ZFHX3: variants seen among roughly 807,000 people sequenced by gnomAD.
ZFHX3 encodes zinc finger homeobox 3.
ZFHX3 carries 42 observed loss-of-function variants against 279.1 expected under a neutral mutation model. The ratio of observed to expected loss-of-function variants is 0.15; its 90% confidence interval spans 0.12 to 0.19. ZFHX3 has a LOEUF of 0.19. ZFHX3 is among the 10% of genes least tolerant of loss of function. ZFHX3 has a pLI of 1.00. For missense variants in ZFHX3, 4,981 were observed against 4,754.0 expected (o/e 1.05, Z -1.40); for synonymous variants, 2,293 against 1,957.8 (o/e 1.17, Z -4.52).
chr16:73,152,592 A>AAACAGGC (rs1331429383), intron 5 of ZFHX3, among the ~76,000 whole-genome samples: 1 of 149,048 alleles, frequency 6.7e-6, no homozygotes, highest in Admixed American at 6.8e-5. Flanking sequence ...AACTTTGTAT[A>AAACAGGC]CAAACTAGGG....
At chr16:73,028,134 T>A (rs917836605) in intron 1 of ZFHX3, among the ~76,000 whole-genome samples, 5 of 152,132 alleles carry the variant, frequency 3.3e-5, no homozygotes, top group African/African-American at 1.2e-4. Flanking sequence ...CTCCTTTTTT[T>A]GGGGGAGTGT....
chr16:73,349,759 C>T (rs1223883992), intron 3 of ZFHX3, among the ~76,000 whole-genome samples: 8 of 90,002 alleles, frequency 8.9e-5, no homozygotes, highest in Admixed American at 6.2e-4. Context: ...TCCCTCCCTC[C>T]TTCCTCCCTC....
chr16:73,272,686 A>G (rs780182635), intron 4 of ZFHX3, among the ~76,000 whole-genome samples: 1 of 152,212 alleles, frequency 6.6e-6, no homozygotes, highest in Non-Finnish European at 1.5e-5. Flanking sequence ...CAATATTTCA[A>G]CAGAAATATC....
chr16:73,801,325 G>T (rs1960139874), intron 1 of ZFHX3, among the ~76,000 whole-genome samples: 1 of 152,136 alleles, frequency 6.6e-6, no homozygotes, highest in Admixed American at 6.6e-5. Context: ...CACAGGGAAT[G>T]ACCAATACAT....
At chr16:73,700,530 T>A (rs1278486702) in intron 1 of ZFHX3, among the ~76,000 whole-genome samples, 2 of 152,250 alleles carry the variant, frequency 1.3e-5, no homozygotes, top group Non-Finnish European at 2.9e-5. Context: ...TTAATACACC[T>A]AAAGTCTATT....
chr16:72,923,485 A>G (rs1191531003), intron 3 of ZFHX3, among the ~76,000 whole-genome samples: 1 of 151,754 alleles, frequency 6.6e-6, no homozygotes, highest in Non-Finnish European at 1.5e-5. Context: ...ATGAATATAT[A>G]TGCCTTGTAT....
intron 1 of ZFHX3, among the ~76,000 whole-genome samples, chr16:73,741,357 C>G (rs1389816891): frequency 6.6e-6 from 1 of 152,170 alleles, no homozygotes; most frequent in Non-Finnish European, 1.5e-5. Flanking sequence ...GACGTGAAGT[C>G]TCTTGAGTCT....
chr16:73,173,916 G>A (rs549645808), intron 5 of ZFHX3, among the ~76,000 whole-genome samples: 1 of 152,298 alleles, frequency 6.6e-6, no homozygotes, highest in South Asian at 2.1e-4. Flanking sequence ...TTAGGGAATG[G>A]TGTTGGGGTG....
At chr16:73,725,827 C>A (rs1403888892) in intron 1 of ZFHX3, among the ~76,000 whole-genome samples, 6 of 152,138 alleles carry the variant, frequency 3.9e-5, no homozygotes, top group Non-Finnish European at 1.5e-5. Context: ...GGCACCATAC[C>A]TTTATGCCAG....
At chr16:73,002,230 A>T (rs956031116) in intron 1 of ZFHX3, among the ~76,000 whole-genome samples, 3 of 152,166 alleles carry the variant, frequency 2.0e-5, no homozygotes, top group African/African-American at 7.2e-5. Flanking sequence ...CTACTCAAAC[A>T]TGCTGAACAA....
rs139098793 is a variant in ZFHX3 at position 73,875,050 on chromosome 16, T to C, written c.-1608+16601A>G. ...ACAGAAAGAACTTTTCCCGGGTATA[T>C]AGCTGTTAAGTGAGCTAAGACTCTG... On this transcript the variant is annotated intron_variant, in intron 1 of 17. Transcript: ENST00000641206. Among the ~76,000 whole-genome samples, 843 of 152,338 alleles carry C rather than the reference T, an allele frequency of 5.5e-3. 4 individuals carry two copies. The highest frequency in any genetic ancestry group is 0.019 in the African/African-American group (795 of 41,576).
rs142251529 is a variant in ZFHX3 at position 73,089,095 on chromosome 16, T to A, written c.-533+4140A>T. ...TAATGTTACACCTTTTTTTAAATTTTAATTTTAATTAATTAATTGATTTTT... is the reference window on the plus strand; with the variant it reads ...TAATGTTACACCTTTTTTTAAATTTAAATTTTAATTAATTAATTGATTTTT... On this transcript the variant is annotated intron_variant, in intron 8 of 17. Transcript: ENST00000641206. Among the ~76,000 whole-genome samples the A allele has an allele frequency of 5.4e-3, 823 of 152,222 alleles. 8 individuals carry two copies. The highest frequency in any genetic ancestry group is 0.017 in the African/African-American group (724 of 41,540).
chr16:73,314,509 T>G (rs1377664296), intron 4 of ZFHX3, among the ~76,000 whole-genome samples: 2 of 152,198 alleles, frequency 1.3e-5, no homozygotes, highest in Non-Finnish European at 2.9e-5. Context: ...AGAGCCGGGA[T>G]GGAAACTCCA....
chr16:73,621,763 T>G (rs2052366019), intron 2 of ZFHX3, among the ~76,000 whole-genome samples: 1 of 152,204 alleles, frequency 6.6e-6, no homozygotes, highest in South Asian at 2.1e-4. Flanking sequence ...AGAGAAAGGT[T>G]TGATCAGCTT....
chr16:72,983,251 AG>A (rs953675414), intron 1 of ZFHX3, among the ~76,000 whole-genome samples: 22 of 152,216 alleles, frequency 1.4e-4, no homozygotes, highest in Admixed American at 6.5e-5. Flanking sequence ...TGACATTTTT[AG>A]GAAGAGCATT....
intron 4 of ZFHX3, among the ~76,000 whole-genome samples, chr16:73,285,982 G>T (rs1470090442): frequency 6.6e-6 from 1 of 152,172 alleles, no homozygotes; most frequent in Non-Finnish European, 1.5e-5. Flanking sequence ...TGTAAAACGC[G>T]TATTTATTAT....
chr16:73,622,407 A>G (rs920321303), intron 2 of ZFHX3, among the ~76,000 whole-genome samples: 1 of 152,086 alleles, frequency 6.6e-6, no homozygotes, highest in African/African-American at 2.4e-5. Context: ...AAATACAAAA[A>G]TAAAATTAGC....
chr16:73,037,987 C>G (rs1301492506), intron 1 of ZFHX3, among the ~76,000 whole-genome samples: 11 of 152,198 alleles, frequency 7.2e-5, no homozygotes, highest in Non-Finnish European at 1.6e-4. Context: ...ATACTCTTCA[C>G]CTTATCTTTA....
At chr16:72,800,406 A>T (rs150780929) in intron 7 of ZFHX3, among the ~76,000 whole-genome samples, 20 of 152,350 alleles carry the variant, frequency 1.3e-4, no homozygotes, top group African/African-American at 4.8e-4. Flanking sequence ...GACTTTGATC[A>T]CTGACAATGT....
Sources: gnomAD v4.1 joint callset for allele counts (sites outside exome capture counted in the v4.1 genomes callset) on GRCh38, gnomAD v4.1.1 for gene constraint, MANE v1.5 for transcripts, NCBI Gene and HGNC (gene_info 2026-07-23, HGNC 2026-07-21) for gene names.